SSBP4: variants seen among roughly 807,000 people sequenced by gnomAD.
SSBP4 encodes single-stranded DNA-binding protein 4.
Under a neutral mutation model 64.6 loss-of-function variants are expected in SSBP4, and 33 were observed. The observed-to-expected ratio is 0.51, with a 90% confidence interval of 0.39 to 0.68. SSBP4 has a LOEUF of 0.68. Ranked by LOEUF, SSBP4 falls within the 30% of genes least tolerant of loss-of-function variation. SSBP4 has a pLI of 0.00. For missense variants in SSBP4, 583 were observed against 566.8 expected (o/e 1.03, Z -0.29); for synonymous variants, 243 against 224.0 (o/e 1.08, Z -0.76).
At chr19:18,428,056 T>TGGGGGTGGGGGGGG in intron 4 of SSBP4, 74 bp downstream of exon 4, 5 of 444,238 alleles carry the variant, frequency 1.1e-5, no homozygotes, top group African/African-American at 6.4e-5. Flanking sequence ...GGAGGTGGGG[T>TGGGGGTGGGGGGGG]GGGGGGCTGC....
At chr19:18,419,362 G>A (rs148868540), upstream of SSBP4, 35,430 of 1,023,454 alleles carry the variant, frequency 0.035, 703 homozygotes, top group Non-Finnish European at 0.038. Flanking sequence ...AGAGGCAGCG[G>A]GCGGGGGCGC....
chr19:18,417,041 G>C (rs1035075225), upstream of SSBP4, among the ~76,000 whole-genome samples: 1 of 151,486 alleles, frequency 6.6e-6, no homozygotes, highest in African/African-American at 2.4e-5. The surrounding 1 kb of genome is among the most constrained non-coding windows in gnomAD (Gnocchi z 5.4). Flanking sequence ...CAGCTCTCTG[G>C]GCCGCCGGCG....
intron 1 of SSBP4, among the ~76,000 whole-genome samples, chr19:18,422,196 T>C (rs1342208788): frequency 6.6e-6 from 1 of 152,062 alleles, no homozygotes; most frequent in Non-Finnish European, 1.5e-5. Flanking sequence ...GAAAGAGAGC[T>C]GGTGGCAGCC....
the SSBP4 span, among the ~76,000 whole-genome samples, chr19:18,412,460 C>CAA: frequency 0.12 from 8,992 of 74,262 alleles, 460 homozygotes; most frequent in South Asian, 0.17. Flanking sequence ...GACTCCATCT[C>CAA]AAAAAAAAAA....
At chr19:18,430,691 T>G (rs139551640) in intron 4 of SSBP4, 150 bp from the exon 5 acceptor site, 2 of 629,832 alleles carry the variant, frequency 3.2e-6, no homozygotes, top group East Asian at 6.1e-5. Flanking sequence ...GACCCACAGA[T>G]CCTCAGGCCG....
upstream of SSBP4, among the ~76,000 whole-genome samples, chr19:18,415,957 C>T (rs1972128113): frequency 6.6e-6 from 1 of 152,178 alleles, no homozygotes; most frequent in African/African-American, 2.4e-5. Flanking sequence ...TTCCCCGGGG[C>T]AACCTCCCCG....
At chr19:18,430,766 G>C in intron 4 of SSBP4, 75 bp from the exon 5 acceptor site, 3 of 1,206,886 alleles carry the variant, frequency 2.5e-6, no homozygotes, top group Non-Finnish European at 3.2e-6. Flanking sequence ...CACCTGCAGA[G>C]AGGGGGGGCA....
chr19:18,403,297 G>T, the SSBP4 span, among the ~76,000 whole-genome samples: 1 of 152,168 alleles, frequency 6.6e-6, no homozygotes, highest in Non-Finnish European at 1.5e-5. Context: ...AATACTGAGG[G>T]AACTCAGAGA....
the SSBP4 span, among the ~76,000 whole-genome samples, chr19:18,403,649 T>C: frequency 5.1e-3 from 565 of 110,706 alleles, 3 homozygotes; most frequent in African/African-American, 0.019. Context: ...TTGGGAGTCC[T>C]GGGGCCTGAG....
chr19:18,433,117 C>T lies in SSBP4; in HGVS notation c.913-18C>T. On this transcript the variant is annotated intron_variant, in intron 14 of 17. Coordinates refer to ENST00000270061, the MANE Select transcript of SSBP4 (RefSeq NM_032627.5). ...GGGAATGGGTGGCCCGAGTCCCACG[C>T]TGTCCCCATGCCCGCAGTTCCCGCT... 1 of 1,611,920 alleles carries T rather than the reference C, an allele frequency of 6.2e-7. No individual in the cohort carries two copies. The highest frequency in any genetic ancestry group is 8.5e-7 in the Non-Finnish European group (1 of 1,179,420).
chr19:18,413,461 G>A, the SSBP4 span, among the ~76,000 whole-genome samples: 1 of 152,074 alleles, frequency 6.6e-6, no homozygotes, highest in Non-Finnish European at 1.5e-5. Context: ...TGATCCACTC[G>A]CCTTGGCCTC....
intron 8 of SSBP4, 32 bp downstream of exon 8, chr19:18,431,894 C>T: frequency 2.6e-6 from 4 of 1,564,974 alleles, no homozygotes; most frequent in East Asian, 4.7e-5. Flanking sequence ...CCTATCCCGC[C>T]ATCAATCAGA....
intron 6 of SSBP4, 50 bp downstream of exon 6, chr19:18,431,468 G>A: frequency 9.3e-7 from 1 of 1,072,800 alleles, no homozygotes; most frequent in Admixed American, 2.7e-5. Flanking sequence ...CCCTCCCCCA[G>A]CGCCGCCCCC....
the SSBP4 span, among the ~76,000 whole-genome samples, chr19:18,409,187 CTT>C: frequency 0.38 from 51,573 of 134,536 alleles, 9,647 homozygotes; most frequent in African/African-American, 0.55. Flanking sequence ...AGTGGCCATT[CTT>C]TTTTTTTTTT....
In SSBP4 at chr19:18,434,449, T is replaced by G. The variant is rs1973848816; in HGVS notation, c.*203T>G. The stretch of plus-strand genomic sequence containing the variant: ...GAGACGTTCTTTTCTGTATGGACCC[T>G]TCCTGCCATTTGTATTTTGTCCCAG... On this transcript the variant is annotated 3_prime_UTR_variant, in exon 18 of 18. Coordinates refer to ENST00000270061, the MANE Select transcript of SSBP4 (RefSeq NM_032627.5). The G allele has an allele frequency of 1.0e-6, 1 of 997,314 alleles. No individual in the cohort carries two copies. Among genetic ancestry groups the G allele is most frequent in the East Asian group, 3.0e-5 (1 of 33,412 alleles). The allele number at this position is 997,314 out of a possible 1,614,324, so 61.8% of individuals were successfully genotyped here. A position where few individuals can be genotyped will look rare whatever the true frequency, so the allele number is the denominator to read the frequency against.
intron 5 of SSBP4, 66 bp downstream of exon 5, chr19:18,430,996 G>T (rs118139881): frequency 1.2e-5 from 19 of 1,548,994 alleles, no homozygotes; most frequent in Non-Finnish European, 1.2e-5. Flanking sequence ...GGGTGGGGGG[G>T]GTCCCACGTG....
At chr19:18,415,873 A>T (rs1032550645), upstream of SSBP4, among the ~76,000 whole-genome samples, 3 of 151,924 alleles carry the variant, frequency 2.0e-5, no homozygotes, top group Non-Finnish European at 2.9e-5. Context: ...TATTTAGGGG[A>T]CATCCATGGT....
the SSBP4 span, among the ~76,000 whole-genome samples, chr19:18,410,051 T>A: frequency 1.3e-5 from 2 of 152,218 alleles, no homozygotes; most frequent in African/African-American, 2.4e-5. Flanking sequence ...TGGAGTGCAG[T>A]GGCACGATCT....
intron 4 of SSBP4, among the ~76,000 whole-genome samples, chr19:18,429,956 C>T (rs1973209778): frequency 6.6e-6 from 1 of 152,184 alleles, no homozygotes; most frequent in African/African-American, 2.4e-5. Flanking sequence ...TTGCAGCAGT[C>T]CCTGAGGGCA....
Sources: allele counts gnomAD v4.1 joint callset (sites outside exome capture counted in the v4.1 genomes callset), GRCh38; gene constraint gnomAD v4.1.1; non-coding constraint Gnocchi (gnomAD v3.1); transcripts MANE v1.5; gene names NCBI Gene and HGNC (gene_info 2026-07-23, HGNC 2026-07-21).